Variants in ZDHHC14 observed in about 807,000 individuals in gnomAD.
ZDHHC14 encodes zDHHC palmitoyltransferase 14.
ZDHHC14 carries 16 observed loss-of-function variants against 47.7 expected under a neutral mutation model. That is an observed-to-expected ratio of 0.34 (90% CI 0.23 to 0.51). The LOEUF is 0.51. Among genes scored for constraint, ZDHHC14 ranks in the 20% least tolerant of loss-of-function variants. The pLI is 0.97. For missense variants in ZDHHC14, 515 were observed against 662.5 expected (o/e 0.78, Z 2.44); for synonymous variants, 293 against 278.9 (o/e 1.05, Z -0.50).
At chr6:157,613,350 T>TA (rs1784828456) in intron 3 of ZDHHC14, among the ~76,000 whole-genome samples, 1 of 152,228 alleles carries the variant, frequency 6.6e-6, no homozygotes, top group Admixed American at 6.5e-5. Context: ...ACTTTCTATT[T>TA]TATTGTTTGT....
chr6:157,456,559 T>C (rs1036224247), intron 1 of ZDHHC14, among the ~76,000 whole-genome samples: 3 of 152,240 alleles, frequency 2.0e-5, no homozygotes, highest in African/African-American at 7.2e-5. Flanking sequence ...CTTAAAACTG[T>C]CAAGAATTGA....
chr6:157,539,064 C>T (rs769407195), intron 1 of ZDHHC14, among the ~76,000 whole-genome samples: 1 of 151,856 alleles, frequency 6.6e-6, no homozygotes, highest in Non-Finnish European at 1.5e-5. Flanking sequence ...TTGGAGCTGG[C>T]GGTGGTGGTT....
intron 2 of ZDHHC14, among the ~76,000 whole-genome samples, chr6:157,557,544 C>T (rs1305762162): frequency 2.0e-5 from 3 of 151,972 alleles, no homozygotes; most frequent in Admixed American, 6.6e-5. Flanking sequence ...GTCCAGCATG[C>T]GTTAGATGGA....
chr6:157,506,768 ATATCT>A (rs1302714032), intron 1 of ZDHHC14, among the ~76,000 whole-genome samples: 5 of 149,532 alleles, frequency 3.3e-5, no homozygotes, highest in Middle Eastern at 6.4e-3. Context: ...GCTATTGTCT[ATATCT>A]AAAGGAAAAC....
chr6:157,587,213 C>A (rs2114882765), intron 2 of ZDHHC14, among the ~76,000 whole-genome samples: 1 of 152,316 alleles, frequency 6.6e-6, no homozygotes, highest in Admixed American at 6.5e-5. Flanking sequence ...CAATAGATTT[C>A]ACAGCTGACA....
At chr6:157,452,597 T>C (rs1778826462) in intron 1 of ZDHHC14, among the ~76,000 whole-genome samples, 1 of 152,102 alleles carries the variant, frequency 6.6e-6, no homozygotes, top group African/African-American at 2.4e-5. Context: ...CTTAATTTTC[T>C]ATACTGCCAA....
At chr6:157,560,112 GCT>G (rs1353671500) in intron 2 of ZDHHC14, among the ~76,000 whole-genome samples, 1 of 152,212 alleles carries the variant, frequency 6.6e-6, no homozygotes, top group Non-Finnish European at 1.5e-5. Flanking sequence ...GGCCAACTCA[GCT>G]CTAAAGCCAA....
intron 3 of ZDHHC14, among the ~76,000 whole-genome samples, chr6:157,605,250 A>T (rs1450250535): frequency 6.6e-6 from 1 of 152,268 alleles, no homozygotes; most frequent in Admixed American, 6.5e-5. Flanking sequence ...AAGGTTGAAA[A>T]GTATTTTAAA....
intron 2 of ZDHHC14, among the ~76,000 whole-genome samples, chr6:157,579,190 GTTTTTTTT>G (rs1187065924): frequency 9.4e-5 from 6 of 63,968 alleles, no homozygotes; most frequent in East Asian, 5.6e-4. Context: ...TTGATTCTGT[GTTTTTTTT>G]TTTTTTTTTT....
intron 1 of ZDHHC14, among the ~76,000 whole-genome samples, chr6:157,499,903 A>G (rs1780156411): frequency 6.7e-6 from 1 of 149,288 alleles, no homozygotes; most frequent in Non-Finnish European, 1.5e-5. Flanking sequence ...GGAATATTCT[A>G]GGTGCTAAAT....
intron 1 of ZDHHC14, among the ~76,000 whole-genome samples, chr6:157,511,987 A>G (rs1780507258): frequency 6.6e-6 from 1 of 152,176 alleles, no homozygotes; most frequent in South Asian, 2.1e-4. Context: ...TGGAGCATGA[A>G]CAACATGCTC....
intron 2 of ZDHHC14, among the ~76,000 whole-genome samples, chr6:157,552,247 A>G (rs974701332): frequency 6.6e-6 from 1 of 152,158 alleles, no homozygotes; most frequent in Non-Finnish European, 1.5e-5. Context: ...ATGGAACGGT[A>G]GCTCTTTTGA....
At chr6:157,596,516 G>A (rs766112525) in intron 3 of ZDHHC14, among the ~76,000 whole-genome samples, 1 of 152,138 alleles carries the variant, frequency 6.6e-6, no homozygotes, top group Non-Finnish European at 1.5e-5. Context: ...AAGTCATAGG[G>A]GCCTTTTTAG....
intron 1 of ZDHHC14, among the ~76,000 whole-genome samples, chr6:157,540,294 C>T (rs1218930605): frequency 6.6e-6 from 1 of 152,124 alleles, no homozygotes; most frequent in Non-Finnish European, 1.5e-5. Flanking sequence ...GTGGAAGATC[C>T]CAACCCTGCA....
At chr6:157,489,433 TTG>T (rs1245819240) in intron 1 of ZDHHC14, among the ~76,000 whole-genome samples, 1 of 143,390 alleles carries the variant, frequency 7.0e-6, no homozygotes. Context: ...ATTCTTTCAG[TTG>T]TTTTTTTTTT....
At chr6:157,636,906 G>T (rs1223437923) in intron 5 of ZDHHC14, among the ~76,000 whole-genome samples, 2 of 152,170 alleles carry the variant, frequency 1.3e-5, no homozygotes, top group Non-Finnish European at 2.9e-5. Context: ...TCCCCTCATC[G>T]ATGCTGTGGT....
intron 3 of ZDHHC14, among the ~76,000 whole-genome samples, chr6:157,621,085 C>T (rs1174136316): frequency 3.9e-5 from 6 of 152,176 alleles, no homozygotes; most frequent in African/African-American, 1.4e-4. Flanking sequence ...AGTCATCGGA[C>T]ACAGTAGCAA....
intron 2 of ZDHHC14, among the ~76,000 whole-genome samples, chr6:157,568,516 T>C (rs1782988537): frequency 6.6e-6 from 1 of 152,164 alleles, no homozygotes; most frequent in African/African-American, 2.4e-5. Context: ...TAATCCACTG[T>C]ATGATCACAT....
chr6:157,488,830 G>GC (rs903619646), intron 1 of ZDHHC14, among the ~76,000 whole-genome samples: 27 of 152,274 alleles, frequency 1.8e-4, no homozygotes, highest in Non-Finnish European at 3.5e-4. Context: ...AGGGCACCCC[G>GC]CCCCCCTTCC....
Sources: gnomAD v4.1 joint callset for allele counts (sites outside exome capture counted in the v4.1 genomes callset) on GRCh38, gnomAD v4.1.1 for gene constraint, MANE v1.5 for transcripts, NCBI Gene and HGNC (gene_info 2026-07-23, HGNC 2026-07-21) for gene names.